Variants in RIN2 observed in about 807,000 individuals in gnomAD.
The protein encoded by RIN2 is Ras and Rab interactor 2.
Under a neutral mutation model 78.0 loss-of-function variants are expected in RIN2, and 36 were observed. That is an observed-to-expected ratio of 0.46 (90% CI 0.35 to 0.61). The LOEUF is 0.61. Ranked by LOEUF, RIN2 falls within the 20% of genes least tolerant of loss-of-function variation. The pLI, the probability that RIN2 is intolerant of heterozygous loss-of-function variation, is 0.00. For synonymous variants in RIN2, 466 were observed against 466.8 expected (o/e 1.00, Z 0.02); for missense variants, 1,087 against 1,159.7 (o/e 0.94, Z 0.91).
chr20:19,980,555 A>T (rs576961161), intron 9 of RIN2, among the ~76,000 whole-genome samples: 1 of 152,238 alleles, frequency 6.6e-6, no homozygotes, highest in African/African-American at 2.4e-5. Flanking sequence ...GTATTTTTTG[A>T]CCATATTCCT....
chr20:19,855,935 A>C (rs181050172), intron 2 of RIN2, among the ~76,000 whole-genome samples: 37 of 152,248 alleles, frequency 2.4e-4, no homozygotes, highest in Admixed American at 2.3e-3. Flanking sequence ...TTAGCAGGGT[A>C]TGGTGGCAGG....
At chr20:19,948,927 G>A (rs984674423) in intron 4 of RIN2, among the ~76,000 whole-genome samples, 1 of 151,646 alleles carries the variant, frequency 6.6e-6, no homozygotes, top group Non-Finnish European at 1.5e-5. Context: ...TTCTGCCTCC[G>A]AAAATGCTGG....
Position 19,996,672 on chromosome 20 carries a change from T to C in RIN2, c.2201-7T>C, listed in dbSNP as rs372144306. 6.2e-7 allele frequency: 1 copy of C among 1,614,042 alleles called. No individual in the cohort carries two copies. Among genetic ancestry groups the C allele is most frequent in the Non-Finnish European group, 8.5e-7 (1 of 1,179,900 alleles). ...CTGGGAGGACCCACTCTTTCTGCTC[T>C]TTTCAGGAGGCTATTACTTGACAAG... On this transcript the variant is annotated splice_polypyrimidine_tract_variant and splice_region_variant and intron_variant, in intron 11 of 12. Transcript: ENST00000255006.
intron 8 of RIN2, among the ~76,000 whole-genome samples, chr20:19,971,691 A>G (rs1418939615): frequency 1.3e-5 from 2 of 149,556 alleles, no homozygotes; most frequent in Admixed American, 6.7e-5. Context: ...AGCTTCAGCG[A>G]GGAGCCTGGG....
chr20:19,965,115 G>A lies in RIN2; in HGVS notation c.536+91G>A, dbSNP rs1600972565. 6.8e-6 allele frequency: 7 copies of A among 1,032,492 alleles called. No individual in the cohort carries two copies. In the East Asian group the frequency reaches 7.2e-5, roughly 11 times the overall value. 64.0% of individuals were successfully genotyped at this position (1,032,492 alleles called of 1,614,324 possible). A position where few individuals can be genotyped will look rare whatever the true frequency, so the allele number is the denominator to read the frequency against. ...GGTTTCTTGAAGGATCTAGGAGGCT[G>A]GCCACCTATTTGATGTTGGCAGATT... On this transcript the variant is annotated intron_variant, in intron 7 of 12. Transcript: ENST00000255006.
At chr20:19,918,759 C>A (rs567707184) in intron 3 of RIN2, among the ~76,000 whole-genome samples, 1 of 149,662 alleles carries the variant, frequency 6.7e-6, no homozygotes, top group East Asian at 1.9e-4. Flanking sequence ...GGAGTCTGGG[C>A]CTTAATTAAA....
At chr20:19,878,202 C>T (rs890135237) in intron 2 of RIN2, among the ~76,000 whole-genome samples, 4 of 152,136 alleles carry the variant, frequency 2.6e-5, no homozygotes, top group African/African-American at 9.7e-5. Context: ...GCCCACATCC[C>T]CTCCCTGCCT....
intron 2 of RIN2, among the ~76,000 whole-genome samples, chr20:19,832,222 G>A (rs370173026): frequency 6.6e-6 from 1 of 150,608 alleles, no homozygotes; most frequent in Non-Finnish European, 1.5e-5. Flanking sequence ...TCCCAAGGAC[G>A]CAGGCGGCCT....
chr20:19,869,941 C>T lies in RIN2; in HGVS notation c.-36-19625C>T, dbSNP rs1291780185. Among the ~76,000 whole-genome samples the T allele has an allele frequency of 3.3e-5, 5 of 152,210 alleles. No individual in the cohort carries two copies. The East Asian group carries it at 9.7e-4, about 29-fold the overall frequency. The stretch of plus-strand genomic sequence containing the variant: ...GGGATTACAGGCGTGAGCCACCTCA[C>T]GGGGCCAAGTTATTTTGAAATAATG... On this transcript the variant is annotated intron_variant, in intron 2 of 12. Transcript: ENST00000255006.
At chr20:19,849,251 T>C (rs775784589) in intron 2 of RIN2, among the ~76,000 whole-genome samples, 1 of 152,212 alleles carries the variant, frequency 6.6e-6, no homozygotes, top group African/African-American at 2.4e-5. Flanking sequence ...CATCTGAATA[T>C]AGACAGACAG....
intron 2 of RIN2, among the ~76,000 whole-genome samples, chr20:19,844,241 G>A (rs1018640943): frequency 2.0e-5 from 3 of 152,098 alleles, no homozygotes; most frequent in Admixed American, 6.5e-5. Flanking sequence ...AGATATGTGA[G>A]GGATAAAAAA....
chr20:19,805,862 TCCCCCAG>T (rs1182037676), intron 2 of RIN2, among the ~76,000 whole-genome samples: 1 of 152,002 alleles, frequency 6.6e-6, no homozygotes, highest in Non-Finnish European at 1.5e-5. Context: ...ATGCTATCCC[TCCCCCAG>T]CCCCCAACCT....
At chr20:19,811,606 A>G (rs912003213) in intron 2 of RIN2, among the ~76,000 whole-genome samples, 1 of 152,196 alleles carries the variant, frequency 6.6e-6, no homozygotes, top group African/African-American at 2.4e-5. Context: ...ACTAATTTGT[A>G]GCTTTTAAAA....
intron 12 of RIN2, among the ~76,000 whole-genome samples, chr20:19,998,553 G>T (rs6046526): frequency 1.2e-4 from 19 of 152,284 alleles, no homozygotes; most frequent in African/African-American, 3.8e-4. Context: ...TGAGGCTACA[G>T]TGAGCCATGA....
intron 2 of RIN2, among the ~76,000 whole-genome samples, chr20:19,828,627 G>T (rs886865113): frequency 1.3e-5 from 2 of 152,116 alleles, no homozygotes; most frequent in Non-Finnish European, 2.9e-5. Context: ...TTATGTAGGT[G>T]CATAGATTTA....
At chr20:19,808,767 T>TG (rs2035494030) in intron 2 of RIN2, among the ~76,000 whole-genome samples, 1 of 152,148 alleles carries the variant, frequency 6.6e-6, no homozygotes, top group Non-Finnish European at 1.5e-5. Context: ...GCTGGCCCCC[T>TG]GGGGGTGGCA....
chr20:19,764,996 T>C (rs1170638845), intron 1 of RIN2, among the ~76,000 whole-genome samples: 3 of 138,438 alleles, frequency 2.2e-5, no homozygotes, highest in Non-Finnish European at 4.5e-5. Flanking sequence ...TGATCTCAGC[T>C]CACTGCAACC....
intron 1 of RIN2, among the ~76,000 whole-genome samples, chr20:19,783,994 C>CT (rs1240389032): frequency 1.3e-5 from 2 of 152,220 alleles, no homozygotes; most frequent in African/African-American, 4.8e-5. Context: ...CCTGCAGTGT[C>CT]TACTCCAGGG....
At chr20:19,870,175 C>T (rs1003219978) in intron 2 of RIN2, among the ~76,000 whole-genome samples, 8 of 152,122 alleles carry the variant, frequency 5.3e-5, no homozygotes, top group East Asian at 1.9e-4. Flanking sequence ...TCCCACAGTT[C>T]GATGACCCAA....
Sources: gnomAD v4.1 joint callset for allele counts (sites outside exome capture counted in the v4.1 genomes callset) on GRCh38, gnomAD v4.1.1 for gene constraint, MANE v1.5 for transcripts, NCBI Gene and HGNC (gene_info 2026-07-23, HGNC 2026-07-21) for gene names.